The following CARD10 variants were observed in gnomAD, a reference collection of about 807,000 sequenced individuals.
CARD10 encodes the protein caspase recruitment domain-containing protein 10.
In CARD10, 49 loss-of-function variants were observed where a neutral mutation model predicts 114.6. That is an observed-to-expected ratio of 0.43 (90% CI 0.34 to 0.54). The LOEUF is 0.54. CARD10 is among the 20% of genes least tolerant of loss of function. The pLI is 0.03. For missense variants in CARD10, 1,206 were observed against 1,397.2 expected (o/e 0.86, Z 2.18); for synonymous variants, 602 against 593.2 (o/e 1.01, Z -0.21).
chr22:37,511,421 G>GGGGAGGAGAAA (rs796281103), intron 3 of CARD10, among the ~76,000 whole-genome samples: 1 of 126,214 alleles, frequency 7.9e-6, no homozygotes, highest in Non-Finnish European at 1.6e-5. Context: ...GGGAGGAGGA[G>GGGGAGGAGAAA]GGAGGGGGAA....
In CARD10 at chr22:37,495,573, G is replaced by C; in HGVS notation, c.2317C>G (p.Leu773Val). Residue 773 changes from leucine to valine, a missense_variant, in exon 15 of 20, where the codon CTA becomes GTA. Leu to Val is a conservative substitution (Grantham distance 32). This residue lies in a region of CARD10 where 1,068 missense variants were observed against 1,179.1 expected (regional missense o/e 0.91). Coordinates refer to ENST00000251973, the MANE Select transcript of CARD10 (RefSeq NM_014550.4). Reference sequence around the variant, plus strand: ...GGCAGGCATTTCTCCTGAACTTCTAGGAGCTGCTGGGCTCTGTGGGAGGGA... The same window carrying C: ...GGCAGGCATTTCTCCTGAACTTCTACGAGCTGCTGGGCTCTGTGGGAGGGA... ...VPNYQRAQQL[L>V]EVQEKCLPSS... The C allele has an allele frequency of 6.2e-7, 1 of 1,613,622 alleles. No homozygotes were observed.
intron 3 of CARD10, among the ~76,000 whole-genome samples, chr22:37,511,763 C>T (rs996341799): frequency 6.6e-6 from 1 of 152,134 alleles, no homozygotes; most frequent in Admixed American, 6.5e-5. Flanking sequence ...CTCTCAGAGA[C>T]TCAGACTTGG....
At chr22:37,494,273 C>A (rs984586144) in intron 15 of CARD10, 85 bp from the exon 16 acceptor site, 2 of 890,270 alleles carry the variant, frequency 2.2e-6, no homozygotes, top group Non-Finnish European at 3.5e-6. Context: ...CCTGGCACAG[C>A]GGGCCCCACT....
intron 4 of CARD10, chr22:37,509,025 G>A (rs777632047): frequency 3.4e-5 from 53 of 1,550,024 alleles, no homozygotes; most frequent in Admixed American, 3.9e-5. Context: ...GGCAGCAGAC[G>A]GAGGCCATTC....
chr22:37,494,958 TTG>T (rs1321549264), intron 15 of CARD10, among the ~76,000 whole-genome samples: 1 of 150,060 alleles, frequency 6.7e-6, no homozygotes, highest in East Asian at 1.9e-4. Context: ...GACTGCTGGT[TTG>T]TTTTTTTTGT....
At chr22:37,512,609 C>T (rs376312613) in intron 3 of CARD10, among the ~76,000 whole-genome samples, 77 of 152,126 alleles carry the variant, frequency 5.1e-4, no homozygotes, top group African/African-American at 1.5e-3. Flanking sequence ...TCATGACTCC[C>T]GCATTCCTTT....
At chr22:37,503,260 G>A (rs1923285548) in intron 9 of CARD10, 47 bp from the exon 10 acceptor site, 3 of 1,575,190 alleles carry the variant, frequency 1.9e-6, no homozygotes, top group Non-Finnish European at 2.6e-6. Flanking sequence ...AGGCACAGTG[G>A]GCACTCTGCC....
chr22:37,516,314 AG>A lies in CARD10; in HGVS notation c.374-17del. The A allele has an allele frequency of 6.4e-7, 1 of 1,558,532 alleles. No individual in the cohort carries two copies. On this transcript the variant is annotated splice_polypyrimidine_tract_variant and intron_variant, in intron 2 of 19. Coordinates refer to ENST00000251973, the MANE Select transcript of CARD10 (RefSeq NM_014550.4). Reference sequence around the variant, plus strand: ...CCCTCCTCATCTGCCAGGACAGAACAGGGGACAGAATAGGCAGCTCAGGCAA... The same window carrying A: ...CCCTCCTCATCTGCCAGGACAGAACAGGGACAGAATAGGCAGCTCAGGCAA...
chr22:37,515,910 GGCTACTACATT>G, intron 3 of CARD10, 52 bp downstream of exon 3: 2 of 1,350,010 alleles, frequency 1.5e-6, no homozygotes, highest in Non-Finnish European at 2.0e-6. Flanking sequence ...CAGGCTGGCT[GGCTACTACATT>G]GCAAAAGCTG....
At position 37,508,522 on chromosome 22, in the gene CARD10, C is replaced by T. The variant is rs367947090; in HGVS notation, c.1065+5G>A. 2.1e-5 allele frequency: 34 copies of T among 1,587,102 alleles called. No homozygotes were observed. In the African/African-American group the frequency reaches 4.1e-4, roughly 19 times the overall value. ...ACAAGGGGCAGGGCACGGGCAGGGC[C>T]CCACCTGGTCGCGCAGCTCCTCGGC... On this transcript the variant is annotated splice_donor_5th_base_variant and intron_variant, in intron 5 of 19. Transcript: ENST00000251973.
Position 37,508,538 on chromosome 22 carries a change from G to T in CARD10, c.1054C>A (p.Leu352Met). ...VQGELQWAEE[L>M]RDQYLQEMED... ...GGGCAGGGCCCCACCTGGTCGCGCA[G>T]CTCCTCGGCCCACTGCAGCTCCCCC... The change falls in exon 5 of 20, where the codon CTG (leucine) becomes ATG (methionine). Residue 352 changes from leucine to methionine, a missense_variant. Physicochemically the swap from Leu to Met is conservative, Grantham distance 15. Transcript: ENST00000251973. The T allele has an allele frequency of 6.3e-7, 1 of 1,594,760 alleles. No homozygotes were observed. Among genetic ancestry groups the T allele is most frequent in the East Asian group, 2.2e-5 (1 of 44,700 alleles).
chr22:37,506,437 T>C, intron 6 of CARD10, 54 bp from the exon 7 acceptor site: 1 of 1,389,426 alleles, frequency 7.2e-7, no homozygotes, highest in Non-Finnish European at 9.8e-7. Flanking sequence ...GGCCCAGCTT[T>C]CCTGGCCTAT....
At chr22:37,512,820 A>C (rs1226291475) in intron 3 of CARD10, among the ~76,000 whole-genome samples, 3 of 152,184 alleles carry the variant, frequency 2.0e-5, no homozygotes, top group Non-Finnish European at 2.9e-5. Flanking sequence ...GATGCATTTA[A>C]TCCCGGCGTA....
intron 2 of CARD10, 122 bp from the exon 3 acceptor site, chr22:37,516,420 T>G: frequency 1.4e-6 from 1 of 705,692 alleles, no homozygotes; most frequent in Non-Finnish European, 2.2e-6. Flanking sequence ...AATATATTTG[T>G]AGAATTGGGA....
rs5756696 is a variant in CARD10, at chr22:37,492,861, G to C, written c.2477-59C>G. 1 allele frequency: 1,564,310 copies of C among 1,564,320 alleles called. 782,150 individuals are homozygous for C. Among genetic ancestry groups the C allele is most frequent in the Middle Eastern group, 1 (5,800 of 5,800 alleles). On this transcript the variant is annotated intron_variant, in intron 16 of 19. Transcript: ENST00000251973. This position sits in a 1 kb window ranked among gnomAD's most constrained non-coding sequence, Gnocchi z 5.7. ...GCACAGGCAGGCAGCATACCAGCTC[G>C]TCGATACCCCAAAACCCACCCCGCC...
chr22:37,511,215 G>A (rs1923628243), intron 3 of CARD10, among the ~76,000 whole-genome samples: 1 of 151,700 alleles, frequency 6.6e-6, no homozygotes, highest in South Asian at 2.1e-4. Flanking sequence ...ACATTAGTTG[G>A]GTGTGGTGGT....
At chr22:37,518,208 G>T in intron 1 of CARD10, 100 bp from the exon 2 acceptor site, 1 of 1,227,902 alleles carries the variant, frequency 8.1e-7, no homozygotes, top group South Asian at 1.4e-5. Context: ...ACGTTCCCCA[G>T]ATTTTTGAGC....
At chr22:37,497,721 G>T (rs919946349) in intron 11 of CARD10, among the ~76,000 whole-genome samples, 1 of 151,994 alleles carries the variant, frequency 6.6e-6, no homozygotes, top group Non-Finnish European at 1.5e-5. Context: ...AAAATTAGCC[G>T]GGCGTGGTGG....
Position 37,516,214 on chromosome 22 carries a change from C to A in CARD10, c.458G>T (p.Arg153Leu). The change falls in exon 3 of 20, where the codon CGG (arginine) becomes CTG (leucine). Residue 153 changes from arginine to leucine, a missense_variant. By Grantham distance (102) the Arg-to-Leu change is moderately radical. Around this residue, in one of 2 missense-constraint regions of CARD10, gnomAD observed 1,068 missense variants for 1,179.1 expected, o/e 0.91. Transcript: ENST00000251973. ...LREARKSQLQ[R>L]EQQLQARGRV... Reference sequence around the variant, plus strand: ...GCCCCGGGCCTGCAGTTGCTGCTCCCGCTGCAGCTGGCTCTTGCGAGCTTC... The same window carrying A: ...GCCCCGGGCCTGCAGTTGCTGCTCCAGCTGCAGCTGGCTCTTGCGAGCTTC... The A allele has an allele frequency of 6.2e-7, 1 of 1,600,778 alleles. No individual in the cohort carries two copies.
Sources: gnomAD v4.1 joint callset for allele counts (sites outside exome capture counted in the v4.1 genomes callset) on GRCh38, gnomAD v4.1.1 for gene constraint, gnomAD v4.1.1 regional missense constraint, Gnocchi (gnomAD v3.1) non-coding constraint, MANE v1.5 for transcripts, NCBI Gene and HGNC (gene_info 2026-07-23, HGNC 2026-07-21) for gene names.